The following MAP3K3 variants were observed in gnomAD, a reference collection of about 807,000 sequenced individuals.
MAP3K3 encodes the protein mitogen-activated protein kinase kinase kinase 3, also known as MAP/ERK kinase kinase 3.
Under a neutral mutation model 80.9 loss-of-function variants are expected in MAP3K3, and 12 were observed. The observed-to-expected ratio is 0.15, with a 90% confidence interval of 0.10 to 0.24. The LOEUF is 0.24. MAP3K3 is among the 10% of genes least tolerant of loss of function. The pLI is 1.00. For synonymous variants in MAP3K3, 272 were observed against 307.1 expected, an observed-to-expected ratio of 0.89 and a Z score of 1.19; for missense variants, 596 against 834.7, an observed-to-expected ratio of 0.71 and a Z score of 3.52.
At chr17:63,650,968 C>A (rs2034643689) in intron 3 of MAP3K3, among the ~76,000 whole-genome samples, 1 of 151,976 alleles carries the variant, frequency 6.6e-6, no homozygotes, top group Non-Finnish European at 1.5e-5. Context: ...AAGTGCTTGG[C>A]CCCCAAGATT....
chr17:63,659,354 A>C (rs1019935708), intron 5 of MAP3K3, among the ~76,000 whole-genome samples: 1 of 152,146 alleles, frequency 6.6e-6, no homozygotes, highest in South Asian at 2.1e-4. Flanking sequence ...TTTGGTGATG[A>C]AATCTTTCCT....
At chr17:63,671,034 G>C (rs756497233) in intron 6 of MAP3K3, among the ~76,000 whole-genome samples, 14 of 152,140 alleles carry the variant, frequency 9.2e-5, no homozygotes, top group Admixed American at 2.6e-4. Flanking sequence ...ATTGGAGGGG[G>C]CAAGAATGCA....
chr17:63,662,856 C>G (rs184689544), intron 5 of MAP3K3, among the ~76,000 whole-genome samples: 3,302 of 150,842 alleles, frequency 0.022, 123 homozygotes, highest in African/African-American at 0.076. Flanking sequence ...TGGGGTTGGG[C>G]GGGGGGCGGT....
chr17:63,632,557 T>A, intron 1 of MAP3K3, 124 bp from the exon 2 acceptor site: 2 of 1,065,760 alleles, frequency 1.9e-6, no homozygotes, highest in Non-Finnish European at 2.7e-6. Context: ...TGCATCTGAT[T>A]ATAGTTACAG....
chr17:63,687,877 G>T (rs1044713880), intron 8 of MAP3K3, among the ~76,000 whole-genome samples: 14 of 151,950 alleles, frequency 9.2e-5, no homozygotes, highest in Non-Finnish European at 1.9e-4. Context: ...GGTAGAGGTT[G>T]CGGTGAGCTG....
At chr17:63,644,898 A>G (rs2034512007) in intron 2 of MAP3K3, among the ~76,000 whole-genome samples, 1 of 151,854 alleles carries the variant, frequency 6.6e-6, no homozygotes, top group African/African-American at 2.4e-5. Flanking sequence ...TATCTCTATT[A>G]TTTGCTGGTT....
At chr17:63,659,525 CTTTTTTTTTTTT>C (rs57166616) in intron 5 of MAP3K3, among the ~76,000 whole-genome samples, 2 of 64,590 alleles carry the variant, frequency 3.1e-5, no homozygotes, top group Non-Finnish European at 2.8e-5. Context: ...CTGTCATGGA[CTTTTTTTTTTTT>C]TTTTTTTTTT....
Position 63,691,645 on chromosome 17 carries a change from C to A in MAP3K3, c.1345-88C>A. 1 of 1,536,492 alleles carries A rather than the reference C, an allele frequency of 6.5e-7. No individual in the cohort carries two copies. The highest frequency in any genetic ancestry group is 1.2e-5 in the South Asian group (1 of 81,812). ...CAGATAGGAATTGAACAAATCACTC[C>A]TTTGCTGCCATGCTGGGGGCTGGAA... On this transcript the variant is annotated intron_variant, in intron 13 of 15. Coordinates refer to ENST00000361733, the MANE Select transcript of MAP3K3 (RefSeq NM_002401.5). This position sits in a 1 kb window ranked among gnomAD's most constrained non-coding sequence, Gnocchi z 4.8.
At chr17:63,646,525 A>G (rs1022964548) in intron 3 of MAP3K3, among the ~76,000 whole-genome samples, 2 of 152,226 alleles carry the variant, frequency 1.3e-5, no homozygotes, top group African/African-American at 2.4e-5. Flanking sequence ...AAGTTTCTTC[A>G]TGATGTCTCT....
chr17:63,623,804 C>A (rs566055347), intron 1 of MAP3K3, among the ~76,000 whole-genome samples: 4 of 152,318 alleles, frequency 2.6e-5, no homozygotes, highest in Non-Finnish European at 5.9e-5. Flanking sequence ...GGGTAAACTT[C>A]AGTGAGAGGA....
At chr17:63,678,478 C>T (rs367679078) in intron 6 of MAP3K3, among the ~76,000 whole-genome samples, 5 of 152,302 alleles carry the variant, frequency 3.3e-5, no homozygotes, top group South Asian at 4.1e-4. Context: ...GGAAATCCAG[C>T]AAAATTCTAT....
rs1382486715 is a variant in MAP3K3, at chr17:63,691,123, G to A, written c.1234G>A (p.Glu412Lys). The A allele has an allele frequency of 2.5e-6, 4 of 1,614,170 alleles. No individual in the cohort carries two copies. The highest frequency in any genetic ancestry group is 1.1e-5 in the South Asian group (1 of 91,086). Reference protein sequence around the residue: ...TSKEVSALECEIQLLKNLQHE... With the variant: ...TSKEVSALECKIQLLKNLQHE... Reference sequence around the variant, plus strand: ...CTAGGAGGTGAGTGCTCTGGAGTGCGAGATCCAGTTGCTAAAGAACTTGCA... The same window carrying A: ...CTAGGAGGTGAGTGCTCTGGAGTGCAAGATCCAGTTGCTAAAGAACTTGCA... The change falls in exon 13 of 16, where the codon GAG (glutamate) becomes AAG (lysine). Residue 412 changes from glutamate to lysine, a missense_variant. This residue lies in a region of MAP3K3 where 364 missense variants were observed against 588.9 expected (regional missense o/e 0.62). Transcript: ENST00000361733. The surrounding 1 kb of genome is among the most constrained non-coding windows in gnomAD (Gnocchi z 4.8).
chr17:63,650,690 G>T (rs1185972431), intron 3 of MAP3K3, among the ~76,000 whole-genome samples: 4 of 143,674 alleles, frequency 2.8e-5, no homozygotes, highest in Non-Finnish European at 6.0e-5. Context: ...GAGAGAGAGA[G>T]AGAGAGTTTT....
chr17:63,684,102 G>A (rs1232654873), intron 7 of MAP3K3, among the ~76,000 whole-genome samples: 3 of 152,146 alleles, frequency 2.0e-5, no homozygotes, highest in Admixed American at 2.0e-4. Context: ...GCAGTGAATT[G>A]CACTCCAGCT....
intron 5 of MAP3K3, among the ~76,000 whole-genome samples, chr17:63,658,845 C>G (rs2034826438): frequency 6.6e-6 from 1 of 151,762 alleles, no homozygotes; most frequent in Non-Finnish European, 1.5e-5. Context: ...AATGATTCTC[C>G]TGCTTCAGCC....
chr17:63,637,932 G>C (rs151043616), intron 2 of MAP3K3, among the ~76,000 whole-genome samples: 80 of 152,236 alleles, frequency 5.3e-4, no homozygotes, highest in African/African-American at 1.9e-3. Flanking sequence ...AGCAGGGCAG[G>C]GCCTTGGCTA....
chr17:63,690,287 C>T lies in MAP3K3; in HGVS notation c.1087C>T (p.Arg363Cys), dbSNP rs1283341292. ...TKSPSAPINWRRGKLLGQGAF... is the reference protein window; with the variant it reads ...TKSPSAPINWCRGKLLGQGAF... ...AGCTCCCAGTGCCCCCATCAACTGG[C>T]GCCGGGGAAAGCTCCTGGGCCAGGG... The change falls in exon 12 of 16, where the codon CGC (arginine) becomes TGC (cysteine). Residue 363 changes from arginine (R) to cysteine (C), a missense_variant. Physicochemically the swap from Arg to Cys is radical, Grantham distance 180. This residue lies in a region of MAP3K3 where 364 missense variants were observed against 588.9 expected (regional missense o/e 0.62). Coordinates refer to ENST00000361733, the MANE Select transcript of MAP3K3 (RefSeq NM_002401.5). The T allele has an allele frequency of 4.3e-6, 7 of 1,614,068 alleles. No individual in the cohort carries two copies. The highest frequency in any genetic ancestry group is 1.1e-5 in the South Asian group (1 of 91,074).
chr17:63,674,493 C>T (rs963594073), intron 6 of MAP3K3, among the ~76,000 whole-genome samples: 1 of 152,168 alleles, frequency 6.6e-6, no homozygotes, highest in African/African-American at 2.4e-5. Context: ...GCTGGGACCA[C>T]AGGTGCTTGC....
chr17:63,640,250 T>C (rs2034413105), intron 2 of MAP3K3, among the ~76,000 whole-genome samples: 1 of 152,098 alleles, frequency 6.6e-6, no homozygotes, highest in Non-Finnish European at 1.5e-5. Context: ...TGTGAATAGC[T>C]ACTGCACTCC....
Sources: allele counts gnomAD v4.1 joint callset (sites outside exome capture counted in the v4.1 genomes callset), GRCh38; gene constraint gnomAD v4.1.1; regional missense constraint gnomAD v4.1.1; non-coding constraint Gnocchi (gnomAD v3.1); transcripts MANE v1.5; gene names NCBI Gene and HGNC (gene_info 2026-07-23, HGNC 2026-07-21).